LRP1B: variants seen among roughly 807,000 people sequenced by gnomAD.
The protein encoded by LRP1B is low-density lipoprotein receptor-related protein 1B.
LRP1B carries 217 observed loss-of-function variants against 556.6 expected under a neutral mutation model. That is an observed-to-expected ratio of 0.39 (90% CI 0.35 to 0.44). LRP1B has a LOEUF of 0.44. Ranked by LOEUF, LRP1B falls within the 20% of genes least tolerant of loss-of-function variation. The pLI is 1.00. For missense variants in LRP1B, 5,053 were observed against 5,620.8 expected (o/e 0.90, Z 3.23); for synonymous variants, 2,047 against 1,865.8 (o/e 1.10, Z -2.50).
chr2:140,679,712 A>G (rs1685794766), intron 41 of LRP1B, among the ~76,000 whole-genome samples: 1 of 152,082 alleles, frequency 6.6e-6, no homozygotes, highest in Non-Finnish European at 1.5e-5. Flanking sequence ...TAAGTTAAAC[A>G]TTGAAGAACT....
At chr2:140,858,024 G>A (rs900388216) in intron 27 of LRP1B, among the ~76,000 whole-genome samples, 1 of 152,220 alleles carries the variant, frequency 6.6e-6, no homozygotes, top group Non-Finnish European at 1.5e-5. Context: ...CTAGGACAGT[G>A]GTTCTCAATC....
intron 58 of LRP1B, among the ~76,000 whole-genome samples, chr2:140,486,625 G>A (rs1001835523): frequency 2.2e-4 from 33 of 151,880 alleles, no homozygotes; most frequent in African/African-American, 7.0e-4. Context: ...AATTTTTAAT[G>A]TATTGTAATG....
chr2:140,514,882 T>G, intron 50 of LRP1B, 110 bp from the exon 51 acceptor site: 7 of 1,028,604 alleles, frequency 6.8e-6, no homozygotes, highest in Non-Finnish European at 9.3e-6. Context: ...AATCCTATAA[T>G]AAAAGAAGCC....
intron 11 of LRP1B, among the ~76,000 whole-genome samples, chr2:141,022,756 T>C (rs73962110): frequency 0.013 from 2,011 of 152,072 alleles, 45 homozygotes; most frequent in African/African-American, 0.047. Flanking sequence ...ACACATGATA[T>C]TAAAATGCAA....
chr2:140,450,468 A>G (rs929552845), intron 63 of LRP1B, 100 bp downstream of exon 63: 5 of 881,676 alleles, frequency 5.7e-6, no homozygotes, highest in Non-Finnish European at 9.1e-6. Flanking sequence ...AATTTTGGAA[A>G]AGTGTCAGAA....
intron 2 of LRP1B, among the ~76,000 whole-genome samples, chr2:141,751,605 C>CTATATAACTATCTAACTATATA (rs1694115702): frequency 6.6e-6 from 1 of 151,982 alleles, no homozygotes; most frequent in Non-Finnish European, 1.5e-5. Flanking sequence ...AACTATATCA[C>CTATATAACTATCTAACTATATA]AAGAAGGATT....
At chr2:141,136,543 T>C (rs185631736) in intron 7 of LRP1B, among the ~76,000 whole-genome samples, 17 of 150,876 alleles carry the variant, frequency 1.1e-4, no homozygotes, top group African/African-American at 4.1e-4. Flanking sequence ...ATCTATCTAG[T>C]ATAATTCATT....
At chr2:140,762,934 T>C (rs2104919457) in intron 35 of LRP1B, among the ~76,000 whole-genome samples, 2 of 152,204 alleles carry the variant, frequency 1.3e-5, no homozygotes, top group South Asian at 4.1e-4. Flanking sequence ...TTGAAGATAC[T>C]AAAGGTACCA....
rs546253879 is a variant in LRP1B, at chr2:141,440,099, T to C, written c.343+40297A>G. Among the ~76,000 whole-genome samples, 12 of 152,142 alleles carry C rather than the reference T, an allele frequency of 7.9e-5. No homozygotes were observed. The South Asian group carries it at 2.3e-3, about 29-fold the overall frequency. On this transcript the variant is annotated intron_variant, in intron 3 of 90. Coordinates refer to ENST00000389484, the MANE Select transcript of LRP1B (RefSeq NM_018557.3). The stretch of plus-strand genomic sequence containing the variant: ...GTTGAAAATGACAGATCGTATCACG[T>C]ATATTATTTGCCCCCGAGTCCCCTC...
intron 41 of LRP1B, among the ~76,000 whole-genome samples, chr2:140,610,483 G>A (rs1020733320): frequency 2.2e-4 from 33 of 152,292 alleles, no homozygotes; most frequent in African/African-American, 7.5e-4. Flanking sequence ...AGAAGAATGA[G>A]AGCACAAACT....
chr2:140,385,852 G>C (rs775420135), intron 67 of LRP1B, 41 bp downstream of exon 67: 5 of 1,349,078 alleles, frequency 3.7e-6, no homozygotes, highest in Non-Finnish European at 5.3e-6. Context: ...TTATTGAATG[G>C]GCTGTCAAGC....
chr2:140,973,052 T>TTATATA (rs200336213), intron 18 of LRP1B, among the ~76,000 whole-genome samples: 2,865 of 138,454 alleles, frequency 0.021, 74 homozygotes, highest in African/African-American at 0.052. Context: ...ATATTTCATT[T>TTATATA]TATATATATA....
intron 1 of LRP1B, among the ~76,000 whole-genome samples, chr2:142,027,672 A>AC (rs1703555267): frequency 8.6e-6 from 1 of 116,014 alleles, no homozygotes; most frequent in Non-Finnish European, 2.0e-5. Flanking sequence ...TAAAAGATTA[A>AC]AACACACACA....
At chr2:140,531,799 G>C (rs947969782) in intron 47 of LRP1B, among the ~76,000 whole-genome samples, 1 of 152,046 alleles carries the variant, frequency 6.6e-6, no homozygotes, top group African/African-American at 2.4e-5. Flanking sequence ...GGCCAAATAT[G>C]ACGGATACCT....
At chr2:140,341,666 G>A (rs1254138515) in intron 77 of LRP1B, among the ~76,000 whole-genome samples, 8 of 151,474 alleles carry the variant, frequency 5.3e-5, no homozygotes, top group Non-Finnish European at 1.2e-4. Context: ...TATGGCCTAT[G>A]TATGGCTGGA....
intron 72 of LRP1B, among the ~76,000 whole-genome samples, chr2:140,363,971 G>A (rs1682637162): frequency 6.6e-6 from 1 of 151,522 alleles, no homozygotes; most frequent in Admixed American, 6.6e-5. Context: ...TGATAACAGG[G>A]ACCAAAAATG....
At chr2:141,722,883 G>A (rs577386961) in intron 2 of LRP1B, among the ~76,000 whole-genome samples, 46 of 152,252 alleles carry the variant, frequency 3.0e-4, no homozygotes, top group African/African-American at 1.0e-3. Flanking sequence ...CCAAGTAAGC[G>A]TATGTGGACC....
At chr2:140,853,804 C>A (rs1692530952) in intron 27 of LRP1B, among the ~76,000 whole-genome samples, 1 of 152,056 alleles carries the variant, frequency 6.6e-6, no homozygotes. Flanking sequence ...CTTTCTACTG[C>A]ACTTCTTTTG....
chr2:141,515,806 G>T (rs1452355495), intron 2 of LRP1B, among the ~76,000 whole-genome samples: 1 of 152,104 alleles, frequency 6.6e-6, no homozygotes, highest in African/African-American at 2.4e-5. Context: ...TAAACAAATT[G>T]TTAATGAGTG....
Sources: gnomAD v4.1 joint callset for allele counts (sites outside exome capture counted in the v4.1 genomes callset) on GRCh38, gnomAD v4.1.1 for gene constraint, MANE v1.5 for transcripts, NCBI Gene and HGNC (gene_info 2026-07-23, HGNC 2026-07-21) for gene names.